The following SLC19A1 variants were observed in gnomAD, a reference collection of about 807,000 sequenced individuals.
SLC19A1 encodes the protein reduced folate transporter.
In SLC19A1, 37 loss-of-function variants were observed where a neutral mutation model predicts 35.3. The ratio of observed to expected loss-of-function variants is 1.05; its 90% CI spans 0.81 to 1.38. The LOEUF (loss-of-function observed/expected upper bound fraction) is 1.38, where lower values mean the gene tolerates loss of function less well. Among genes scored for constraint, SLC19A1 ranks in the 40% most tolerant of loss-of-function variants. The pLI, the probability that SLC19A1 is intolerant of heterozygous loss-of-function variation, is 0.00. For missense variants in SLC19A1, 831 were observed against 826.9 expected, an observed-to-expected ratio of 1.00 and a Z score of -0.06; for synonymous variants, 460 against 398.5, an observed-to-expected ratio of 1.15 and a Z score of -1.84.
At chr21:45,526,333 T>C (rs192329808) in intron 4 of SLC19A1, among the ~76,000 whole-genome samples, 1 of 152,354 alleles carries the variant, frequency 6.6e-6, no homozygotes, top group East Asian at 1.9e-4. Flanking sequence ...TTTATGCTCA[T>C]ATGCACTGTA....
intron 1 of SLC19A1, among the ~76,000 whole-genome samples, chr21:45,552,165 C>T (rs1349485069): frequency 6.6e-6 from 1 of 152,170 alleles, no homozygotes; most frequent in African/African-American, 2.4e-5. Context: ...AGTGATGACC[C>T]CAGGGAGTGG....
intron 1 of SLC19A1, among the ~76,000 whole-genome samples, chr21:45,559,209 T>G (rs548953260): frequency 6.6e-6 from 1 of 152,344 alleles, no homozygotes; most frequent in African/African-American, 2.4e-5. Context: ...GCATCCAACC[T>G]AAAAACATCT....
intron 4 of SLC19A1, among the ~76,000 whole-genome samples, chr21:45,527,695 G>A (rs1399102217): frequency 3.8e-5 from 3 of 79,614 alleles, no homozygotes; most frequent in African/African-American, 9.5e-5. Flanking sequence ...CAGGCAGGGC[G>A]GGCCCTGGAG....
At chr21:45,548,068 G>C (rs576042370), upstream of SLC19A1, among the ~76,000 whole-genome samples, 1 of 152,352 alleles carries the variant, frequency 6.6e-6, no homozygotes, top group African/African-American at 2.4e-5. Context: ...GGAGAGCTCA[G>C]AGATATGGAG....
At chr21:45,522,980 C>T (rs770362232) in intron 5 of SLC19A1, among the ~76,000 whole-genome samples, 1 of 152,070 alleles carries the variant, frequency 6.6e-6, no homozygotes, top group East Asian at 1.9e-4. Flanking sequence ...AAACTGGGTA[C>T]GGGGTACATG....
rs570838623 is a variant in SLC19A1 at position 45,504,640 on chromosome 21, C to T, written c.498-6028G>A. ...AGGGCAGGTCCAGCCCGGCCTTCGA[C>T]ACCCGCGAAGGCCGGAGCTGCCCCT... is the stretch of plus-strand genomic sequence containing the variant. On this transcript the variant is annotated intron_variant, in intron 3 of 4. Transcript: ENST00000417954. 24 of 1,274,036 alleles carry T rather than the reference C, an allele frequency of 1.9e-5. No individual in the cohort carries two copies. In the South Asian group the frequency reaches 2.8e-4, roughly 15 times the overall value. 78.9% of individuals were successfully genotyped at this position (1,274,036 alleles called of 1,614,324 possible).
intron 4 of SLC19A1, among the ~76,000 whole-genome samples, chr21:45,526,264 T>G (rs2077616783): frequency 6.6e-6 from 1 of 152,268 alleles, no homozygotes; most frequent in Non-Finnish European, 1.5e-5. Flanking sequence ...TTTGGGAATA[T>G]TCACATGTCC....
chr21:45,540,844 C>T lies in SLC19A1; in HGVS notation c.-50+1524G>A, dbSNP rs949330000. Among the ~76,000 whole-genome samples the T allele has an allele frequency of 6.6e-6, 1 of 152,100 alleles. No homozygotes were observed. Among genetic ancestry groups the T allele is most frequent in the Admixed American group, 6.6e-5 (1 of 15,242 alleles). On this transcript the variant is annotated intron_variant, in intron 1 of 5. Transcript: ENST00000311124. This position sits in a 1 kb window ranked among gnomAD's most constrained non-coding sequence, Gnocchi z 5.5. ...TAACAGCCCCTGCAAATCCCCGGCC[C>T]CACTGTCCACAGTGACCAGCCCCAC...
rs888444865 is a variant in SLC19A1, at chr21:45,530,544, C to G, written c.1151+226G>C. On this transcript the variant is annotated intron_variant, in intron 4 of 5. Coordinates refer to ENST00000311124, the MANE Select transcript of SLC19A1 (RefSeq NM_194255.4). The surrounding 1 kb of genome is among the most constrained non-coding windows in gnomAD (Gnocchi z 5.3). ...GCAAGGCTGTGAGCCCAGCAGGCTT[C>G]AGAGAGGAGCGTGGAGGGCCTGGGG... Among the ~76,000 whole-genome samples, 2 of 152,090 alleles carry G rather than the reference C, an allele frequency of 1.3e-5. No individual in the cohort carries two copies. Among genetic ancestry groups the G allele is most frequent in the South Asian group, 2.1e-4 (1 of 4,832 alleles).
At chr21:45,543,156 A>ACGGCAG (rs1017559082), upstream of SLC19A1, among the ~76,000 whole-genome samples, 20 of 152,248 alleles carry the variant, frequency 1.3e-4, no homozygotes, top group African/African-American at 4.6e-4. Flanking sequence ...GGCCTCGCAG[A>ACGGCAG]CGGCAGCGCA....
downstream of SLC19A1, among the ~76,000 whole-genome samples, chr21:45,508,439 G>A (rs1380787908): frequency 7.3e-5 from 10 of 137,306 alleles, no homozygotes; most frequent in African/African-American, 3.1e-4. Context: ...TGGATGGTGG[G>A]TAAGTGGGTG....
At chr21:45,512,282 A>T, downstream of SLC19A1, 1 of 1,611,946 alleles carries the variant, frequency 6.2e-7, no homozygotes, top group Non-Finnish European at 8.5e-7. Context: ...TCCCTCGGCC[A>T]CGGGCCAGGC....
intron 1 of SLC19A1, among the ~76,000 whole-genome samples, chr21:45,559,288 C>A (rs1324234605): frequency 6.6e-6 from 1 of 152,084 alleles, no homozygotes; most frequent in Non-Finnish European, 1.5e-5. Context: ...ACGTTGAGGC[C>A]GGGTGAGTGT....
upstream of SLC19A1, among the ~76,000 whole-genome samples, chr21:45,548,207 A>T (rs116465400): frequency 3.9e-3 from 589 of 152,330 alleles, 5 homozygotes; most frequent in African/African-American, 0.013. Context: ...GAACAGCTGG[A>T]TATCCACAGG....
At position 45,556,494 on chromosome 21, in the gene SLC19A1, C is replaced by G. The variant is rs965198523; in HGVS notation, c.-50+6248G>C. Among the ~76,000 whole-genome samples, 9 of 152,364 alleles carry G rather than the reference C, an allele frequency of 5.9e-5. No homozygotes were observed. The South Asian group carries it at 1.0e-3, about 18-fold the overall frequency. On this transcript the variant is annotated intron_variant, in intron 1 of 5. Coordinates refer to the SLC19A1 transcript ENST00000650808. ...GAAATCTGTAATTCTTATGTGAAAT[C>G]CTGCCTTTCTTAACTAATTAAAGAC...
At position 45,533,938 on chromosome 21, in the gene SLC19A1, G is replaced by A. The variant is rs1204278163; in HGVS notation, c.190-1790C>T. On this transcript the variant is annotated intron_variant, in intron 2 of 5. Transcript: ENST00000311124. This position sits in a 1 kb window ranked among gnomAD's most constrained non-coding sequence, Gnocchi z 4.5. ...CCGGCATGCTGAGAAGCTTCCCAGG[G>A]GCTCAGGGGAAGGCTGCCCAGAGAC... Among the ~76,000 whole-genome samples the A allele has an allele frequency of 6.6e-5, 10 of 152,184 alleles. No individual in the cohort carries two copies. The highest frequency in any genetic ancestry group is 2.4e-4 in the African/African-American group (10 of 41,522).
chr21:45,518,516 C>A (rs1049637949), intron 5 of SLC19A1, among the ~76,000 whole-genome samples: 1 of 152,052 alleles, frequency 6.6e-6, no homozygotes, highest in African/African-American at 2.4e-5. Flanking sequence ...GCTGAGCAAA[C>A]CCCAAATAGA....
chr21:45,515,675 G>A lies in SLC19A1; in HGVS notation c.1759C>T (p.Gln587Ter). The A allele has an allele frequency of 6.2e-7, 1 of 1,613,580 alleles. No homozygotes were observed. The highest frequency in any genetic ancestry group is 8.5e-7 in the Non-Finnish European group (1 of 1,180,002). Residue 587 changes from glutamine to a stop codon, truncating the protein, a stop_gained, in exon 6 of 6, where the codon CAG becomes TAG. Transcript: ENST00000311124. LOFTEE classifies it high-confidence loss of function. ...GLQCLPSDGV[Q>*]NVNQ ...CCCGAGAGTCACTGGTTCACATTCTGAACACCGTCGCTTGGAAGACACTGC... is the reference window on the plus strand; with the variant it reads ...CCCGAGAGTCACTGGTTCACATTCTAAACACCGTCGCTTGGAAGACACTGC...
downstream of SLC19A1, among the ~76,000 whole-genome samples, chr21:45,508,507 T>C (rs1280988735): frequency 1.5e-4 from 22 of 145,916 alleles, no homozygotes; most frequent in African/African-American, 5.3e-4. Flanking sequence ...GGATGGTGGG[T>C]AAGTGGGTTA....
Sources: gnomAD v4.1 joint callset for allele counts (sites outside exome capture counted in the v4.1 genomes callset) on GRCh38, gnomAD v4.1.1 for gene constraint, Gnocchi (gnomAD v3.1) non-coding constraint, MANE v1.5 for transcripts, NCBI Gene and HGNC (gene_info 2026-07-23, HGNC 2026-07-21) for gene names.